The following UBE4B variants were observed in gnomAD, a reference collection of about 807,000 sequenced individuals.
The protein encoded by UBE4B is ubiquitin conjugation factor E4 B.
A neutral mutation model predicts 148.1 loss-of-function variants in UBE4B; 27 were observed. That is an observed-to-expected ratio of 0.18 (90% CI 0.13 to 0.25). The LOEUF is 0.25. Among genes scored for constraint, UBE4B ranks in the 10% least tolerant of loss-of-function variants. The probability of loss-of-function intolerance (pLI) is 1.00; values close to 1 mark genes in which losing one functional copy is unlikely to be tolerated. For missense variants in UBE4B, 1,170 were observed against 1,662.4 expected (o/e 0.70, Z 5.15); for synonymous variants, 596 against 619.3 (o/e 0.96, Z 0.56).
At chr1:10,072,402 T>A in intron 2 of UBE4B, 188 bp downstream of exon 2, 1 of 738,450 alleles carries the variant, frequency 1.4e-6, no homozygotes, top group Non-Finnish European at 2.3e-6. Flanking sequence ...TGCAATCTGT[T>A]AAACCAATTG....
intron 2 of UBE4B, among the ~76,000 whole-genome samples, chr1:10,076,387 G>T: frequency 6.6e-6 from 1 of 151,970 alleles, no homozygotes; most frequent in East Asian, 1.9e-4. Context: ...TGGATTACAG[G>T]TGCCCACCAC....
At chr1:10,150,970 G>T in intron 20 of UBE4B, among the ~76,000 whole-genome samples, 1 of 150,280 alleles carries the variant, frequency 6.7e-6, no homozygotes. Flanking sequence ...GACCATCCTG[G>T]CTAACATGGT....
At chr1:10,075,589 C>T (rs867932079) in intron 2 of UBE4B, among the ~76,000 whole-genome samples, 8 of 152,188 alleles carry the variant, frequency 5.3e-5, no homozygotes, top group Admixed American at 3.9e-4. Context: ...CCGGGTACCT[C>T]TATGCTAAGT....
intron 1 of UBE4B, among the ~76,000 whole-genome samples, chr1:10,045,641 T>G (rs1643897175): frequency 1.3e-5 from 2 of 152,238 alleles, no homozygotes; most frequent in African/African-American, 4.8e-5. Context: ...CTGGGCATTC[T>G]GGCTGCTGTG....
At chr1:10,158,211 G>C (rs1646104535) in intron 21 of UBE4B, 145 bp from the exon 22 acceptor site, 1 of 930,362 alleles carries the variant, frequency 1.1e-6, no homozygotes, top group Non-Finnish European at 1.6e-6. Flanking sequence ...TTTCTGTCGT[G>C]CCCTACATGC....
chr1:10,177,815 A>C (rs1231836509), intron 25 of UBE4B, among the ~76,000 whole-genome samples: 4 of 152,148 alleles, frequency 2.6e-5, no homozygotes, highest in African/African-American at 9.7e-5. Context: ...AGCATACTTT[A>C]CTGTTTGGCA....
chr1:10,158,648 G>C (rs746307471), intron 22 of UBE4B, among the ~76,000 whole-genome samples, 166 bp downstream of exon 22: 1 of 152,126 alleles, frequency 6.6e-6, no homozygotes, highest in Non-Finnish European at 1.5e-5. Context: ...TTTTTTAAAT[G>C]GCTTTACTTG....
chr1:10,175,454 G>C (rs7540431), intron 25 of UBE4B, among the ~76,000 whole-genome samples: 1 of 150,872 alleles, frequency 6.6e-6, no homozygotes, highest in Non-Finnish European at 1.5e-5. Context: ...GATCGAGACC[G>C]TCCTGGCTAA....
chr1:10,109,968 G>A (rs1285950867), intron 7 of UBE4B, among the ~76,000 whole-genome samples: 2 of 152,102 alleles, frequency 1.3e-5, no homozygotes, highest in African/African-American at 2.4e-5. Flanking sequence ...CAAATTGCTG[G>A]GATTACAGGC....
intron 16 of UBE4B, among the ~76,000 whole-genome samples, chr1:10,136,470 G>C (rs965314236): frequency 7.0e-6 from 1 of 143,790 alleles, no homozygotes; most frequent in African/African-American, 2.6e-5. Flanking sequence ...AGGTGACAGA[G>C]TAAGACCCTC....
chr1:10,094,573 A>G (rs936708349), intron 2 of UBE4B, among the ~76,000 whole-genome samples: 1 of 151,388 alleles, frequency 6.6e-6, no homozygotes, highest in Non-Finnish European at 1.5e-5. Flanking sequence ...AGCTGGGACT[A>G]CAGGCGCCCG....
Position 10,106,199 on chromosome 1 carries a change from T to C in UBE4B, c.812T>C (p.Leu271Pro). The C allele has an allele frequency of 6.3e-7, 1 of 1,583,508 alleles. No individual in the cohort carries two copies. Among genetic ancestry groups the C allele is most frequent in the Non-Finnish European group, 8.6e-7 (1 of 1,160,522 alleles). ...ASFGASSLSSLYESSPAPTPS... is the reference protein window; with the variant it reads ...ASFGASSLSSPYESSPAPTPS... Reference sequence around the variant, plus strand: ...CCTCCCTTTCTCAACTAATTTAGCCTCTATGAAAGTAGTCCGGCTCCCACT... The same window carrying C: ...CCTCCCTTTCTCAACTAATTTAGCCCCTATGAAAGTAGTCCGGCTCCCACT... Residue 271 changes from leucine to proline, a missense_variant and splice_region_variant, in exon 7 of 28, where the codon CTC (leucine) becomes CCC (proline). Transcript: ENST00000343090. The surrounding 1 kb of genome is among the most constrained non-coding windows in gnomAD (Gnocchi z 4.2).
rs1444971777 is a variant in UBE4B at position 10,132,233 on chromosome 1, C to G, written c.1912-136C>G. 48 of 623,582 alleles carry G rather than the reference C, an allele frequency of 7.7e-5. No homozygotes were observed. The East Asian group carries it at 1.1e-3, about 15-fold the overall frequency. 38.6% of individuals were successfully genotyped at this position (623,582 alleles called of 1,614,324 possible). On this transcript the variant is annotated intron_variant, in intron 14 of 27. Coordinates refer to ENST00000343090, the MANE Select transcript of UBE4B (RefSeq NM_001105562.3). ...GATGTGGATATTTCTTATATTCTTTCACTCAGGCTCTTCTAAAATGAGTAG... is the reference window on the plus strand; with the variant it reads ...GATGTGGATATTTCTTATATTCTTTGACTCAGGCTCTTCTAAAATGAGTAG...
At chr1:10,153,519 G>C (rs111855823) in intron 21 of UBE4B, among the ~76,000 whole-genome samples, 1 of 126,076 alleles carries the variant, frequency 7.9e-6, no homozygotes, top group Non-Finnish European at 1.6e-5. Context: ...AAAAAAAAAA[G>C]GGTAAAAAGA....
intron 1 of UBE4B, among the ~76,000 whole-genome samples, chr1:10,038,825 G>A (rs973558670): frequency 2.0e-5 from 3 of 152,002 alleles, no homozygotes; most frequent in South Asian, 2.1e-4. Context: ...GGCCGGGCGC[G>A]GTGGCTCACG....
chr1:10,110,302 G>A (rs1645196375), intron 7 of UBE4B, among the ~76,000 whole-genome samples: 1 of 152,200 alleles, frequency 6.6e-6, no homozygotes. Context: ...CATTCCTTCT[G>A]TAATGTTTTG....
At chr1:10,035,396 T>G (rs953191421) in intron 1 of UBE4B, among the ~76,000 whole-genome samples, 178 of 133,744 alleles carry the variant, frequency 1.3e-3, no homozygotes, top group African/African-American at 4.8e-3. Context: ...ACTGTTTTTT[T>G]TTTTTTTTTT....
chr1:10,076,247 C>CTT lies in UBE4B; in HGVS notation c.211+4049_211+4050dup, dbSNP rs369214323. The stretch of plus-strand genomic sequence containing the variant: ...TCAAAAAGTGCTTCTTTCTTTCTTT[C>CTT]TTTTTTTTTTTTTTTTTGAGACAGT... On this transcript the variant is annotated intron_variant, in intron 2 of 27. Transcript: ENST00000343090. 2.7e-4 allele frequency among the ~76,000 whole-genome samples: 35 copies of CTT among 131,642 alleles called. 1 individual carries two copies. The highest frequency in any genetic ancestry group is 2.4e-3 in the East Asian group (11 of 4,566). 86.4% of individuals were successfully genotyped at this position (131,642 alleles called of 152,430 possible).
chr1:10,137,165 C>A lies in UBE4B; in HGVS notation c.2323C>A (p.Arg775Ser). Residue 775 changes from arginine to serine, a missense_variant, in exon 17 of 28, where the codon CGC becomes AGC. Physicochemically the swap from Arg to Ser is moderately radical, Grantham distance 110. Transcript: ENST00000343090. The stretch of plus-strand genomic sequence containing the variant: ...CCTCTCTATTCTGCCTAGTTGCCGT[C>A]GCTATATCCGCAGACTCCGGGCTAT... Reference protein sequence around the residue: ...HHLSILPSCRRYIRRLRAIRE... With the variant: ...HHLSILPSCRSYIRRLRAIRE... The A allele has an allele frequency of 6.2e-7, 1 of 1,614,104 alleles. No homozygotes were observed. Among genetic ancestry groups the A allele is most frequent in the Non-Finnish European group, 8.5e-7 (1 of 1,180,030 alleles).
Sources: allele counts gnomAD v4.1 joint callset (sites outside exome capture counted in the v4.1 genomes callset), GRCh38; gene constraint gnomAD v4.1.1; non-coding constraint Gnocchi (gnomAD v3.1); transcripts MANE v1.5; gene names NCBI Gene and HGNC (gene_info 2026-07-23, HGNC 2026-07-21).